The following SHB variants were observed in gnomAD, a reference collection of about 807,000 sequenced individuals.
SHB encodes the protein SH2 domain containing adaptor protein B, also known as SH2 domain-containing adapter protein B.
Under a neutral mutation model 52.3 loss-of-function variants are expected in SHB, and 20 were observed. The observed-to-expected ratio is 0.38, with a 90% CI of 0.27 to 0.56. SHB has a LOEUF of 0.56. SHB is among the 20% of genes least tolerant of loss of function. SHB has a pLI of 0.71. For synonymous variants in SHB, 397 were observed against 316.5 expected (o/e 1.25, Z -2.70); for missense variants, 825 against 723.3 (o/e 1.14, Z -1.61).
chr9:38,042,192 G>A (rs1821593226), intron 1 of SHB, among the ~76,000 whole-genome samples: 2 of 152,178 alleles, frequency 1.3e-5, no homozygotes, highest in South Asian at 4.1e-4. Context: ...CCTCATCAGG[G>A]TAACGAAAAT....
chr9:37,920,090 G>A, intron 5 of SHB, 86 bp from the exon 6 acceptor site: 2 of 1,085,418 alleles, frequency 1.8e-6, no homozygotes, highest in Non-Finnish European at 2.8e-6. Flanking sequence ...TGGGACAGAA[G>A]GGATCCCAGC....
rs906917636 is a variant in SHB, at chr9:37,918,844, G to A, written c.*977C>T. Among the ~76,000 whole-genome samples the A allele has an allele frequency of 6.8e-6, 1 of 146,098 alleles. No homozygotes were observed. The highest frequency in any genetic ancestry group is 1.5e-5 in the Non-Finnish European group (1 of 67,964). On this transcript the variant is annotated 3_prime_UTR_variant, in exon 6 of 6. Coordinates refer to ENST00000377707, the MANE Select transcript of SHB (RefSeq NM_003028.3). The stretch of plus-strand genomic sequence containing the variant: ...CGTCCCACTGCAGGAGGGAAAGACT[G>A]GTTTTTTGGTCAACACTGGAGGCTC...
chr9:37,947,485 C>T (rs982281740), intron 5 of SHB, among the ~76,000 whole-genome samples: 1 of 152,230 alleles, frequency 6.6e-6, no homozygotes, highest in Non-Finnish European at 1.5e-5. Context: ...GATGCATGGT[C>T]CCCACCCCGT....
intron 2 of SHB, among the ~76,000 whole-genome samples, chr9:37,990,081 C>T (rs1030079117): frequency 6.6e-6 from 1 of 152,182 alleles, no homozygotes; most frequent in African/African-American, 2.4e-5. Context: ...TCATCAACTT[C>T]CAGAACACGA....
chr9:38,008,280 G>A (rs930122635), intron 2 of SHB, among the ~76,000 whole-genome samples: 7 of 152,184 alleles, frequency 4.6e-5, no homozygotes, highest in Non-Finnish European at 7.4e-5. Flanking sequence ...GAGTGGGCCC[G>A]CTGGTCGCCA....
At chr9:37,986,230 C>T (rs769222067) in intron 2 of SHB, among the ~76,000 whole-genome samples, 2 of 152,124 alleles carry the variant, frequency 1.3e-5, no homozygotes, top group Admixed American at 6.5e-5. Flanking sequence ...GTAGAAGGCT[C>T]TCCAGGAGAG....
chr9:38,057,594 G>A lies in SHB; in HGVS notation c.717+10335C>T, dbSNP rs150331334. ...GGGCAGGTAGGCACCATGCCATTCCGCAAATGCCATGCAGTCCCCGATCAC... is the reference window on the plus strand; with the variant it reads ...GGGCAGGTAGGCACCATGCCATTCCACAAATGCCATGCAGTCCCCGATCAC... On this transcript the variant is annotated intron_variant, in intron 1 of 5. Transcript: ENST00000377707. Among the ~76,000 whole-genome samples, 171 of 152,328 alleles carry A rather than the reference G, an allele frequency of 1.1e-3. 1 individual carries two copies. In the East Asian group the frequency reaches 0.032, roughly 28 times the overall value.
At chr9:38,004,022 G>A (rs752939574) in intron 2 of SHB, among the ~76,000 whole-genome samples, 14 of 152,180 alleles carry the variant, frequency 9.2e-5, no homozygotes, top group African/African-American at 4.8e-5. Flanking sequence ...TCAGCCCAGG[G>A]TCCATCCGGC....
chr9:37,996,531 A>G (rs1820948436), intron 2 of SHB, among the ~76,000 whole-genome samples: 1 of 152,226 alleles, frequency 6.6e-6, no homozygotes, highest in African/African-American at 2.4e-5. Context: ...TTCAATGAAC[A>G]CTTAGATGAG....
chr9:37,943,803 C>T (rs894063442), intron 5 of SHB, among the ~76,000 whole-genome samples: 1 of 152,220 alleles, frequency 6.6e-6, no homozygotes, highest in Non-Finnish European at 1.5e-5. Flanking sequence ...AGAAGTCCCC[C>T]AGTCTTTGAA....
At chr9:37,946,765 C>T (rs1832496136) in intron 5 of SHB, among the ~76,000 whole-genome samples, 1 of 152,240 alleles carries the variant, frequency 6.6e-6, no homozygotes, top group East Asian at 1.9e-4. Flanking sequence ...CCCCCAGCCA[C>T]GGGGATTCCA....
chr9:38,031,323 AAAAAC>A (rs1247287813), intron 1 of SHB, among the ~76,000 whole-genome samples: 5 of 152,358 alleles, frequency 3.3e-5, no homozygotes, highest in African/African-American at 7.2e-5. Flanking sequence ...CTATGTCTCA[AAAAAC>A]AAAACAAAAC....
In SHB at chr9:37,965,801, G is replaced by A. The variant is rs1375684516; in HGVS notation, c.1054+8821C>T. On this transcript the variant is annotated intron_variant, in intron 3 of 5. Transcript: ENST00000377707. Reference sequence around the variant, plus strand: ...AAGTCCTGTGCTGTCACTTGCTGGCGGGATGACCTGGGCCAAGTTGTCTCT... The same window carrying A: ...AAGTCCTGTGCTGTCACTTGCTGGCAGGATGACCTGGGCCAAGTTGTCTCT... 3.3e-5 allele frequency among the ~76,000 whole-genome samples: 5 copies of A among 152,112 alleles called. No individual in the cohort carries two copies. The East Asian group carries it at 7.7e-4, about 23-fold the overall frequency.
At chr9:37,946,631 T>C (rs1249042264) in intron 5 of SHB, among the ~76,000 whole-genome samples, 1 of 152,164 alleles carries the variant, frequency 6.6e-6, no homozygotes, top group Non-Finnish European at 1.5e-5. Flanking sequence ...CACCTCTGCC[T>C]AGAAGAACAG....
rs1360862326 is a variant in SHB at position 38,068,439 on chromosome 9, C to T, written c.207G>A (p.Ser69=). ...TASCFSASSG[S]LPDDSGSTSD... is the part of the protein sequence containing the mutation. ...TGGTGCTGCCGCTGTCGTCGGGCAG[C>T]GAGCCCGAAGAGGCTGAGAAGCAGG... Residue 69 remains serine (S), a synonymous_variant, in exon 1 of 6, where the codon TCG becomes TCA. Transcript: ENST00000377707. 3.2e-6 allele frequency: 5 copies of T among 1,549,294 alleles called. No individual in the cohort carries two copies. The East Asian group carries it at 7.6e-5, about 24-fold the overall frequency.
intron 2 of SHB, among the ~76,000 whole-genome samples, chr9:38,012,564 G>A (rs755621744): frequency 1.2e-4 from 18 of 151,900 alleles, no homozygotes; most frequent in Non-Finnish European, 2.4e-4. Context: ...GCTGCCCATC[G>A]TCGCACAGCC....
intron 1 of SHB, among the ~76,000 whole-genome samples, chr9:38,023,023 TG>T (rs1385819176): frequency 1.2e-4 from 18 of 152,314 alleles, no homozygotes; most frequent in African/African-American, 3.8e-4. Flanking sequence ...AGGTCTGAGC[TG>T]CCCCAAGCAG....
chr9:37,983,246 G>C (rs1260028011), intron 2 of SHB, among the ~76,000 whole-genome samples: 1 of 152,210 alleles, frequency 6.6e-6, no homozygotes. Context: ...ATTTAGACAG[G>C]AGGTCATAGC....
chr9:37,937,425 T>C (rs917896028), intron 5 of SHB, among the ~76,000 whole-genome samples: 2 of 152,112 alleles, frequency 1.3e-5, no homozygotes, highest in Non-Finnish European at 2.9e-5. Context: ...CCCAATTGTT[T>C]CTGATATTCC....
Sources: allele counts gnomAD v4.1 joint callset (sites outside exome capture counted in the v4.1 genomes callset), GRCh38; gene constraint gnomAD v4.1.1; transcripts MANE v1.5; gene names NCBI Gene and HGNC (gene_info 2026-07-23, HGNC 2026-07-21).